Variants in PSTPIP1 observed in about 807,000 individuals in gnomAD.
The protein encoded by PSTPIP1 is proline-serine-threonine phosphatase-interacting protein 1.
A neutral mutation model predicts 69.6 loss-of-function variants in PSTPIP1; 66 were observed. The observed-to-expected ratio is 0.95, with a 90% CI of 0.78 to 1.16. PSTPIP1 has a LOEUF of 1.16. Among genes scored for constraint, PSTPIP1 ranks in the 50% most tolerant of loss-of-function variants. PSTPIP1 has a pLI of 0.00. For synonymous variants in PSTPIP1, 266 were observed against 222.7 expected (o/e 1.19, Z -1.73); for missense variants, 603 against 557.4 (o/e 1.08, Z -0.82).
intron 3 of PSTPIP1, among the ~76,000 whole-genome samples, chr15:77,021,774 C>T (rs371118536): frequency 1.4e-4 from 21 of 152,340 alleles, no homozygotes; most frequent in African/African-American, 4.8e-4. Context: ...CTCTCCTTTC[C>T]AGCCTCTGGG....
At chr15:77,032,487 G>A (rs571334172) in intron 11 of PSTPIP1, 93 bp downstream of exon 11, 2 of 1,372,658 alleles carry the variant, frequency 1.5e-6, no homozygotes, top group East Asian at 2.4e-5. Context: ...ACCGGGCTGG[G>A]GTAGCTCACA....
Position 77,025,381 on chromosome 15 carries a change from G to A in PSTPIP1, c.247+63G>A. 7 of 1,581,532 alleles carry A rather than the reference G, an allele frequency of 4.4e-6. No homozygotes were observed. In the South Asian group the frequency reaches 6.6e-5, roughly 15 times the overall value. On this transcript the variant is annotated intron_variant, in intron 4 of 14. Transcript: ENST00000558012. ...ACTGCGAGGCTGGTGGAGGGTTTGG[G>A]GGGACAGAAGATGAGGTGTTGGGGC...
At chr15:77,008,090 C>T (rs1028565772) in intron 1 of PSTPIP1, 5 of 455,620 alleles carry the variant, frequency 1.1e-5, no homozygotes, top group South Asian at 3.1e-5. Context: ...GGGTGGAGGG[C>T]GGGAGATCAG....
At chr15:76,994,726 G>A, upstream of PSTPIP1, 1 of 1,285,632 alleles carries the variant, frequency 7.8e-7, no homozygotes, top group Non-Finnish European at 1.0e-6. Context: ...AGCTGTGTCT[G>A]CTCCCAGACT....
chr15:77,028,397 T>C, intron 6 of PSTPIP1, 157 bp from the exon 7 acceptor site: 1 of 592,670 alleles, frequency 1.7e-6, no homozygotes, highest in East Asian at 3.0e-5. Context: ...CTCTATCTCC[T>C]TCCGGACCCC....
At position 77,030,505 on chromosome 15, in the gene PSTPIP1, G is replaced by T. The variant is rs375294517; in HGVS notation, c.566G>T (p.Arg189Leu). 2 of 1,612,268 alleles carry T rather than the reference G, an allele frequency of 1.2e-6. No individual in the cohort carries two copies. The highest frequency in any genetic ancestry group is 1.7e-6 in the Non-Finnish European group (2 of 1,179,628). ...QCKDSATEAE[R>L]VYRQSIAQLE... ...CTGAGGCTGCCTGCGCTTTCAGAGC[G>T]GGTATACAGGCAGAGCATTGCGCAG... is the stretch of plus-strand genomic sequence containing the variant. Residue 189 changes from arginine to leucine, a missense_variant, in exon 9 of 15, where the codon CGG becomes CTG. Arg to Leu is a moderately radical substitution (Grantham distance 102, BLOSUM62 -2). Coordinates refer to ENST00000558012, the MANE Select transcript of PSTPIP1 (RefSeq NM_003978.5).
At chr15:77,031,353 C>A in intron 10 of PSTPIP1, 75 bp downstream of exon 10, 1 of 1,478,250 alleles carries the variant, frequency 6.8e-7, no homozygotes, top group Non-Finnish European at 9.4e-7. Context: ...TCCATCTGAG[C>A]CGGTCAACAA....
chr15:77,035,364 A>G, intron 12 of PSTPIP1, 144 bp from the exon 13 acceptor site: 1 of 838,886 alleles, frequency 1.2e-6, no homozygotes, highest in South Asian at 1.6e-5. Context: ...CTCATAAATG[A>G]CATCCATGCC....
chr15:77,024,821 C>T, intron 3 of PSTPIP1, among the ~76,000 whole-genome samples: 1 of 152,010 alleles, frequency 6.6e-6, no homozygotes, highest in Admixed American at 6.6e-5. Flanking sequence ...GGCCATCCAA[C>T]CTCCTCCAAA....
At position 77,035,991 on chromosome 15, in the gene PSTPIP1, C is replaced by T. The variant is rs949166746; in HGVS notation, c.1119+56C>T. The T allele has an allele frequency of 6.6e-6, 10 of 1,521,354 alleles. No homozygotes were observed. In the Admixed American group the frequency reaches 1.5e-4, roughly 22 times the overall value. 94.2% of individuals were successfully genotyped at this position (1,521,354 alleles called of 1,614,324 possible). On this transcript the variant is annotated intron_variant, in intron 14 of 14. Coordinates refer to ENST00000558012, the MANE Select transcript of PSTPIP1 (RefSeq NM_003978.5). ...GCCACCTCCCCTGCACCTGAGAGCT[C>T]CCTCTCCCATCCAGTGCCTTGCGTC... is the stretch of plus-strand genomic sequence containing the variant.
intron 3 of PSTPIP1, among the ~76,000 whole-genome samples, chr15:77,021,906 G>A (rs556483638): frequency 1.5e-4 from 23 of 152,252 alleles, no homozygotes; most frequent in African/African-American, 4.3e-4. Flanking sequence ...CTCATCCTGC[G>A]TCAGGTAAGG....
chr15:77,010,501 C>T (rs2075912554), intron 1 of PSTPIP1, among the ~76,000 whole-genome samples: 1 of 152,292 alleles, frequency 6.6e-6, no homozygotes, highest in Non-Finnish European at 1.5e-5. Context: ...CATCTCCCTG[C>T]ACCTGTCTCT....
chr15:77,031,191 G>C lies in PSTPIP1; in HGVS notation c.654G>C (p.Leu218=). ...CCCACTGCCCCCAGGCCTTTCAGCT[G>C]CAAGAGTTTGACCGGCTGACCATTC... The part of the protein sequence containing the change: ...EHRTTCEAFQ[L]QEFDRLTILR... The change falls in exon 10 of 15, where the codon CTG becomes CTC. Residue 218 remains leucine (L), a synonymous_variant. Transcript: ENST00000558012. 3.1e-6 allele frequency: 5 copies of C among 1,612,634 alleles called. No homozygotes were observed. The highest frequency in any genetic ancestry group is 4.2e-6 in the Non-Finnish European group (5 of 1,179,550).
chr15:77,017,724 CAT>C lies in PSTPIP1; in HGVS notation c.37-423_37-422del, dbSNP rs2076079849. Among the ~76,000 whole-genome samples the C allele has an allele frequency of 3.3e-5, 5 of 152,356 alleles. No homozygotes were observed. The South Asian group carries it at 8.3e-4, about 25-fold the overall frequency. On this transcript the variant is annotated intron_variant, in intron 1 of 14. Coordinates refer to ENST00000558012, the MANE Select transcript of PSTPIP1 (RefSeq NM_003978.5). ...AGCTGGGCCGCTCTGGATACGATCA[CAT>C]GTCACCCTCCTACACCTCGGTTTCC... is the stretch of plus-strand genomic sequence containing the variant.
chr15:77,035,451 T>C (rs2152691631), intron 12 of PSTPIP1, 57 bp from the exon 13 acceptor site: 1 of 1,518,730 alleles, frequency 6.6e-7, no homozygotes, highest in South Asian at 1.2e-5. Context: ...CCCTCCCTCC[T>C]GGTGGGTCCC....
intron 14 of PSTPIP1, among the ~76,000 whole-genome samples, 158 bp from the exon 15 acceptor site, chr15:77,036,887 C>A (rs185243245): frequency 6.6e-6 from 1 of 152,108 alleles, no homozygotes; most frequent in Non-Finnish European, 1.5e-5. Flanking sequence ...AGGCCCGGTC[C>A]GTTGGGTTAC....
chr15:77,000,650 G>T (rs1250080975), intron 1 of PSTPIP1, among the ~76,000 whole-genome samples: 1 of 152,076 alleles, frequency 6.6e-6, no homozygotes, highest in African/African-American at 2.4e-5. Context: ...GCATAAGATT[G>T]CCTTACATAG....
chr15:77,019,809 G>A (rs553498924), intron 3 of PSTPIP1, among the ~76,000 whole-genome samples: 3 of 152,350 alleles, frequency 2.0e-5, no homozygotes, highest in South Asian at 4.1e-4. Flanking sequence ...GTGAATGGAC[G>A]TATGCAGGGA....
intron 4 of PSTPIP1, 35 bp from the exon 5 acceptor site, chr15:77,025,463 G>A (rs2076258078): frequency 1.3e-6 from 2 of 1,578,552 alleles, no homozygotes; most frequent in African/African-American, 2.7e-5. Context: ...CATCAGATCT[G>A]ACACTGGGGA....
Sources: gnomAD v4.1 joint callset for allele counts (sites outside exome capture counted in the v4.1 genomes callset) on GRCh38, gnomAD v4.1.1 for gene constraint, MANE v1.5 for transcripts, NCBI Gene and HGNC (gene_info 2026-07-23, HGNC 2026-07-21) for gene names.